The following CNTN5 variants were observed in gnomAD, a reference collection of about 807,000 sequenced individuals.
The protein encoded by CNTN5 is contactin-5.
In CNTN5, 77 loss-of-function variants were observed where a neutral mutation model predicts 129.1. The ratio of observed to expected loss-of-function variants is 0.60; its 90% confidence interval spans 0.50 to 0.72. The LOEUF is 0.72. CNTN5 is among the 30% of genes least tolerant of loss of function. The pLI is 0.00. For missense variants in CNTN5, 1,478 were observed against 1,328.8 expected (o/e 1.11, Z -1.75); for synonymous variants, 509 against 465.6 (o/e 1.09, Z -1.20).
rs577134676 is a variant in CNTN5 at position 99,885,675 on chromosome 11, A to G, written c.578-30379A>G. 5.9e-5 allele frequency among the ~76,000 whole-genome samples: 9 copies of G among 152,334 alleles called. No homozygotes were observed. The South Asian group carries it at 1.9e-3, about 32-fold the overall frequency. On this transcript the variant is annotated intron_variant, in intron 6 of 24. Coordinates refer to ENST00000524871, the MANE Select transcript of CNTN5 (RefSeq NM_014361.4). ...TCCAGCCAAATACGCATCACTGCAC[A>G]TAATAATAACATTTTTGTAGTTAAT...
chr11:99,916,208 C>A, intron 7 of CNTN5, 59 bp downstream of exon 7: 1 of 1,335,132 alleles, frequency 7.5e-7, no homozygotes, highest in Non-Finnish European at 1.1e-6. Context: ...TGTGTTCATT[C>A]TTTTAGACAG....
At chr11:100,350,584 T>C (rs1202563948) in intron 23 of CNTN5, 118 bp from the exon 24 acceptor site, 5 of 652,162 alleles carry the variant, frequency 7.7e-6, no homozygotes. Context: ...CATTTGCTTA[T>C]GTATCTGTCT....
chr11:100,270,629 A>G (rs1950391500), intron 17 of CNTN5, among the ~76,000 whole-genome samples: 1 of 152,254 alleles, frequency 6.6e-6, no homozygotes, highest in Non-Finnish European at 1.5e-5. Flanking sequence ...GTTTCTACTC[A>G]GATATCACAA....
intron 2 of CNTN5, among the ~76,000 whole-genome samples, chr11:99,476,056 A>T (rs1159156): frequency 0.27 from 37,645 of 137,706 alleles, 4,970 homozygotes; most frequent in Non-Finnish European, 0.32. Context: ...ATAATATTTT[A>T]TTCTCTTGCT....
chr11:99,684,106 G>A (rs555836323), intron 3 of CNTN5, among the ~76,000 whole-genome samples: 5 of 151,664 alleles, frequency 3.3e-5, no homozygotes, highest in Admixed American at 1.3e-4. Context: ...CCCAACCCCC[G>A]TCTGGTAACC....
At chr11:100,257,056 T>C (rs1301725404) in intron 17 of CNTN5, among the ~76,000 whole-genome samples, 1 of 151,980 alleles carries the variant, frequency 6.6e-6, no homozygotes, top group East Asian at 1.9e-4. Flanking sequence ...TTCACGAAAT[T>C]CTCAACAGTC....
At chr11:99,984,825 T>C (rs1462135938) in intron 8 of CNTN5, among the ~76,000 whole-genome samples, 2 of 152,086 alleles carry the variant, frequency 1.3e-5, no homozygotes, top group Non-Finnish European at 2.9e-5. Flanking sequence ...GACTAGAACA[T>C]TGGAGCTGAT....
intron 24 of CNTN5, among the ~76,000 whole-genome samples, chr11:100,354,998 T>C (rs1178618829): frequency 1.3e-5 from 2 of 151,726 alleles, no homozygotes; most frequent in Non-Finnish European, 3.0e-5. Context: ...TACACTGTCA[T>C]AGACTTTATA....
intron 3 of CNTN5, among the ~76,000 whole-genome samples, chr11:99,696,029 T>A (rs1022476000): frequency 1.3e-5 from 2 of 152,112 alleles, no homozygotes; most frequent in Non-Finnish European, 2.9e-5. Flanking sequence ...ACATTTCATA[T>A]ATTTAATTAG....
intron 3 of CNTN5, among the ~76,000 whole-genome samples, chr11:99,759,649 A>G (rs1649193939): frequency 7.1e-6 from 1 of 140,192 alleles, no homozygotes; most frequent in Non-Finnish European, 1.6e-5. Context: ...AATGCTAGGG[A>G]GGGTGTTTGC....
intron 2 of CNTN5, among the ~76,000 whole-genome samples, chr11:99,447,787 T>A (rs1035393329): frequency 2.6e-5 from 4 of 152,062 alleles, no homozygotes; most frequent in African/African-American, 9.7e-5. Context: ...TAGCTGGGTG[T>A]CGTGGTGGGT....
intron 3 of CNTN5, among the ~76,000 whole-genome samples, chr11:99,760,839 A>G (rs541188635): frequency 6.6e-6 from 1 of 152,254 alleles, no homozygotes; most frequent in Admixed American, 6.6e-5. Flanking sequence ...TTACACACAC[A>G]CACAGAGGTT....
intron 2 of CNTN5, among the ~76,000 whole-genome samples, chr11:99,347,311 G>A (rs1442541296): frequency 6.6e-6 from 1 of 152,060 alleles, no homozygotes; most frequent in Non-Finnish European, 1.5e-5. Flanking sequence ...TATTATCAAA[G>A]GGTAAAACAA....
intron 7 of CNTN5, among the ~76,000 whole-genome samples, chr11:99,917,378 T>C (rs1315793369): frequency 6.6e-6 from 1 of 152,156 alleles, no homozygotes; most frequent in African/African-American, 2.4e-5. Flanking sequence ...AACATCTGTT[T>C]TAATTTTTTT....
At chr11:99,898,296 A>G (rs1268031303) in intron 6 of CNTN5, among the ~76,000 whole-genome samples, 1 of 152,074 alleles carries the variant, frequency 6.6e-6, no homozygotes, top group Non-Finnish European at 1.5e-5. Context: ...GAAAGGATAA[A>G]GGAAATTGAT....
rs117559376 is a variant in CNTN5 at position 100,177,598 on chromosome 11, T to C, written c.1581-13528T>C. Among the ~76,000 whole-genome samples, 1,141 of 152,306 alleles carry C rather than the reference T, an allele frequency of 7.5e-3. 8 individuals carry two copies. The highest frequency in any genetic ancestry group is 0.012 in the Non-Finnish European group (813 of 68,020). On this transcript the variant is annotated intron_variant, in intron 13 of 24. Transcript: ENST00000524871. ...TCCCATTAGTTCCCATTTTCAAGTC[T>C]GTGCTTAGATACCACTTTCACCTGA... is the stretch of plus-strand genomic sequence containing the variant.
chr11:100,268,542 A>G (rs1003547312), intron 17 of CNTN5, among the ~76,000 whole-genome samples: 1 of 152,178 alleles, frequency 6.6e-6, no homozygotes, highest in African/African-American at 2.4e-5. Context: ...GTCAAATGCT[A>G]CTGAGATGTC....
chr11:100,140,416 T>C (rs1280330816), intron 13 of CNTN5, among the ~76,000 whole-genome samples: 4 of 152,118 alleles, frequency 2.6e-5, no homozygotes, highest in Non-Finnish European at 5.9e-5. Flanking sequence ...TGATAACTCA[T>C]CATGGAATTT....
chr11:99,094,445 T>A (rs1291959469), intron 1 of CNTN5, among the ~76,000 whole-genome samples: 2 of 152,000 alleles, frequency 1.3e-5, no homozygotes, highest in Admixed American at 6.6e-5. Context: ...TAGCCCCTTG[T>A]GGCATAAGAG....
Sources: gnomAD v4.1 joint callset for allele counts (sites outside exome capture counted in the v4.1 genomes callset) on GRCh38, gnomAD v4.1.1 for gene constraint, MANE v1.5 for transcripts, NCBI Gene and HGNC (gene_info 2026-07-23, HGNC 2026-07-21) for gene names.